RBKS: variants seen among roughly 807,000 people sequenced by gnomAD.
RBKS encodes the protein ribokinase.
Under a neutral mutation model 33.9 loss-of-function variants are expected in RBKS, and 33 were observed. The ratio of observed to expected loss-of-function variants is 0.97; its 90% CI spans 0.74 to 1.30. RBKS has a LOEUF of 1.30. Among genes scored for constraint, RBKS ranks in the 50% most tolerant of loss-of-function variants. The pLI, the probability that RBKS is intolerant of heterozygous loss-of-function variation, is 0.00. For synonymous variants in RBKS, 125 were observed against 143.0 expected (o/e 0.87, Z 0.90); for missense variants, 361 against 392.6 (o/e 0.92, Z 0.68).
In RBKS at chr2:27,837,976, G is replaced by A. The variant is rs1025798659; in HGVS notation, c.514+5091C>T. On this transcript the variant is annotated intron_variant, in intron 5 of 7. Transcript: ENST00000302188. This position sits in a 1 kb window ranked among gnomAD's most constrained non-coding sequence, Gnocchi z 4.0. ...GTACTTTGGGAGGTTGAGGCAGGTG[G>A]ATCACCTGAGGTAAGAAGTTCAAGA... Among the ~76,000 whole-genome samples, 10 of 152,132 alleles carry A rather than the reference G, an allele frequency of 6.6e-5. No individual in the cohort carries two copies. Among genetic ancestry groups the A allele is most frequent in the Non-Finnish European group, 4.4e-5 (3 of 68,008 alleles).
At chr2:27,838,895 T>G (rs1176611981) in intron 5 of RBKS, among the ~76,000 whole-genome samples, 2 of 152,170 alleles carry the variant, frequency 1.3e-5, no homozygotes, top group Non-Finnish European at 2.9e-5. Flanking sequence ...CACAATAATG[T>G]CAATAAGGAA....
intron 7 of RBKS, chr2:27,782,813 A>G: frequency 7.2e-6 from 2 of 276,628 alleles, no homozygotes; most frequent in South Asian, 6.8e-5. Flanking sequence ...CATTACATGT[A>G]TTCCACTCTT....
chr2:27,870,865 C>T (rs1039973195), intron 1 of RBKS: 1 of 460,638 alleles, frequency 2.2e-6, no homozygotes. Flanking sequence ...CAAAAGTGCA[C>T]ATAACATATC....
intron 1 of RBKS, among the ~76,000 whole-genome samples, chr2:27,874,800 T>C (rs1664280316): frequency 6.6e-6 from 1 of 152,204 alleles, no homozygotes; most frequent in Non-Finnish European, 1.5e-5. Context: ...ATTCCCTCCC[T>C]GGAGAGGCTG....
chr2:27,823,201 C>T (rs967006596), intron 7 of RBKS, among the ~76,000 whole-genome samples: 1 of 152,180 alleles, frequency 6.6e-6, no homozygotes, highest in African/African-American at 2.4e-5. Flanking sequence ...AGAGACACAT[C>T]TGTCATGTCT....
intron 2 of RBKS, among the ~76,000 whole-genome samples, chr2:27,855,254 T>C (rs1041248015): frequency 1.2e-4 from 18 of 152,236 alleles, no homozygotes; most frequent in African/African-American, 3.9e-4. Flanking sequence ...GTCTCATATA[T>C]GAAGGATAGT....
intron 6 of RBKS, among the ~76,000 whole-genome samples, chr2:27,830,206 A>G (rs56188123): frequency 0.073 from 11,075 of 152,154 alleles, 930 homozygotes; most frequent in African/African-American, 0.2. Context: ...GAGCAGAGTG[A>G]GTATCATAAG....
intron 6 of RBKS, among the ~76,000 whole-genome samples, chr2:27,828,745 T>G (rs186133001): frequency 6.6e-6 from 1 of 152,238 alleles, no homozygotes; most frequent in Non-Finnish European, 1.5e-5. Flanking sequence ...TTTAAAAACA[T>G]TTCCATGACT....
intron 1 of RBKS, among the ~76,000 whole-genome samples, chr2:27,888,042 GCT>G (rs1350936138): frequency 6.6e-6 from 1 of 152,066 alleles, no homozygotes; most frequent in Non-Finnish European, 1.5e-5. Context: ...TTCACAGAAA[GCT>G]CTCAGTTTGG....
intron 1 of RBKS, among the ~76,000 whole-genome samples, chr2:27,876,303 A>G (rs919605358): frequency 2.0e-5 from 3 of 152,220 alleles, no homozygotes; most frequent in Non-Finnish European, 4.4e-5. Context: ...TCAGCCTTAA[A>G]AGGAAGAAAA....
intron 7 of RBKS, chr2:27,782,605 T>A (rs1486603282): frequency 2.1e-6 from 1 of 467,738 alleles, no homozygotes; most frequent in Admixed American, 2.4e-5. Context: ...ACCACAGAGG[T>A]GAAATGTCAT....
intron 7 of RBKS, among the ~76,000 whole-genome samples, chr2:27,794,442 TTCTC>T (rs765330815): frequency 6.6e-6 from 1 of 151,534 alleles, no homozygotes; most frequent in Non-Finnish European, 1.5e-5. Context: ...CCTGAATGAT[TTCTC>T]TCTTTCTTTT....
chr2:27,861,669 G>GGC, intron 1 of RBKS: 3 of 429,654 alleles, frequency 7.0e-6, no homozygotes, highest in East Asian at 8.5e-5. Context: ...TTTTTGGGGG[G>GGC]GGGGTGGAGT....
At chr2:27,877,484 C>A (rs548766707) in intron 1 of RBKS, among the ~76,000 whole-genome samples, 2 of 152,180 alleles carry the variant, frequency 1.3e-5, no homozygotes, top group African/African-American at 4.8e-5. Context: ...AATCTCAAAA[C>A]AAAATTAGGA....
chr2:27,802,829 G>A (rs754696879), intron 7 of RBKS, among the ~76,000 whole-genome samples: 2 of 152,106 alleles, frequency 1.3e-5, no homozygotes, highest in African/African-American at 4.8e-5. Flanking sequence ...ATGAGAACCC[G>A]CGTGGCATGG....
In RBKS at chr2:27,819,284, C is replaced by CAGAGAGAGAGAGAAAAAGGG. The variant is rs1553376508; in HGVS notation, c.795+8263_795+8282dup. ...GCTCACATGACTCTTTGTGTGCACA[C>CAGAGAGAGAGAGAAAAAGGG]AGAGAGAGAGAGAAAAAGGGAGAGA... is the stretch of plus-strand genomic sequence containing the variant. On this transcript the variant is annotated intron_variant, in intron 7 of 7. Coordinates refer to ENST00000302188, the MANE Select transcript of RBKS (RefSeq NM_022128.3). Among the ~76,000 whole-genome samples, 99 of 151,776 alleles carry CAGAGAGAGAGAGAAAAAGGG rather than the reference C, an allele frequency of 6.5e-4. 1 individual carries two copies. The highest frequency in any genetic ancestry group is 3.4e-3 in the Middle Eastern group (1 of 294).
intron 4 of RBKS, among the ~76,000 whole-genome samples, chr2:27,844,559 AT>A (rs907894508): frequency 6.7e-6 from 1 of 150,248 alleles, no homozygotes; most frequent in Non-Finnish European, 1.5e-5. Flanking sequence ...CGCCTGGCTA[AT>A]TTTTTTTTGC....
chr2:27,789,167 C>A (rs1677461577), intron 7 of RBKS, among the ~76,000 whole-genome samples: 1 of 152,146 alleles, frequency 6.6e-6, no homozygotes, highest in African/African-American at 2.4e-5. Flanking sequence ...TACAGACCCA[C>A]AAATATATGG....
intron 7 of RBKS, among the ~76,000 whole-genome samples, chr2:27,823,032 A>G (rs1027127322): frequency 1.3e-5 from 2 of 152,210 alleles, no homozygotes; most frequent in Non-Finnish European, 2.9e-5. Flanking sequence ...AAAATATACC[A>G]TGCTTAGGTG....
Sources: gnomAD v4.1 joint callset for allele counts (sites outside exome capture counted in the v4.1 genomes callset) on GRCh38, gnomAD v4.1.1 for gene constraint, Gnocchi (gnomAD v3.1) non-coding constraint, MANE v1.5 for transcripts, NCBI Gene and HGNC (gene_info 2026-07-23, HGNC 2026-07-21) for gene names.